COX5B: variants seen among roughly 807,000 people sequenced by gnomAD.
COX5B encodes cytochrome c oxidase subunit 5B.
A neutral mutation model predicts 16.2 loss-of-function variants in COX5B; 8 were observed. That is an observed-to-expected ratio of 0.49 (90% CI 0.29 to 0.89). The LOEUF is 0.89. Among genes scored for constraint, COX5B ranks in the 40% least tolerant of loss-of-function variants. The pLI is 0.08. For synonymous variants in COX5B, 65 were observed against 67.6 expected, an observed-to-expected ratio of 0.96 and a Z score of 0.19; for missense variants, 161 against 168.7, an observed-to-expected ratio of 0.95 and a Z score of 0.25.
At chr2:97,647,184 C>T in intron 2 of COX5B, 44 bp downstream of exon 2, 1 of 1,596,628 alleles carries the variant, frequency 6.3e-7, no homozygotes, top group Non-Finnish European at 8.6e-7. Flanking sequence ...AACTTATGGC[C>T]TTGGATGTGT....
rs539657113 is a variant in COX5B, at chr2:97,648,224, C to G, written c.*116C>G. The stretch of plus-strand genomic sequence containing the variant: ...GCTGGTCTTATTTCTTACCCGTATT[C>G]TTTGGTAGGCATGGAATATGCTTAT... On this transcript the variant is annotated 3_prime_UTR_variant, in exon 4 of 4. Coordinates refer to ENST00000258424, the MANE Select transcript of COX5B (RefSeq NM_001862.3). 15 of 873,064 alleles carry G rather than the reference C, an allele frequency of 1.7e-5. No homozygotes were observed. The highest frequency in any genetic ancestry group is 3.2e-5 in the Admixed American group (1 of 31,362). 54.1% of individuals were successfully genotyped at this position (873,064 alleles called of 1,614,324 possible). A position where few individuals can be genotyped will look rare whatever the true frequency, so the allele number is the denominator to read the frequency against.
At position 97,646,173 on chromosome 2, in the gene COX5B, C is replaced by T. The variant is rs1217365833; in HGVS notation, c.87C>T (p.Arg29=). 4.5e-6 allele frequency: 7 copies of T among 1,549,430 alleles called. No homozygotes were observed. The highest frequency in any genetic ancestry group is 6.1e-6 in the Non-Finnish European group (7 of 1,145,852). The change falls in exon 1 of 4, where the codon CGC becomes CGT. Residue 29 remains arginine (R), a synonymous_variant. Transcript: ENST00000258424. The part of the protein sequence containing the change: ...ARGPSGAAAM[R]SMASGGGVPT... ...GCCCCAGTGGCGCGGCCGCGATGCGCTCCATGGCATCTGGAGGTACTCGGG... is the reference window on the plus strand; with the variant it reads ...GCCCCAGTGGCGCGGCCGCGATGCGTTCCATGGCATCTGGAGGTACTCGGG...
chr2:97,647,907 G>A (rs1004780628), intron 3 of COX5B, 89 bp from the exon 4 acceptor site: 1 of 1,065,160 alleles, frequency 9.4e-7, no homozygotes. Context: ...TCTTACTTGT[G>A]TATCAGAGAT....
chr2:97,647,340 T>C lies in COX5B; in HGVS notation c.178-4T>C, dbSNP rs746108095. ...TTTTGTTTTGTTTTTTGTTTTTTCT[T>C]CAGGACCCATACAATGTACTGGCCC... On this transcript the variant is annotated splice_region_variant and splice_polypyrimidine_tract_variant and intron_variant, in intron 2 of 3. Transcript: ENST00000258424. The C allele has an allele frequency of 1.2e-6, 2 of 1,610,654 alleles. No individual in the cohort carries two copies. Among genetic ancestry groups the C allele is most frequent in the Non-Finnish European group, 1.7e-6 (2 of 1,178,926 alleles).
chr2:97,646,234 C>T (rs772284542), intron 1 of COX5B, 45 bp downstream of exon 1: 1 of 1,355,648 alleles, frequency 7.4e-7, no homozygotes, highest in East Asian at 2.6e-5. Context: ...TGTTGCCCTC[C>T]CAGGGTGGTC....
chr2:97,647,505 C>G, intron 3 of COX5B, 62 bp downstream of exon 3: 1 of 1,401,310 alleles, frequency 7.1e-7, no homozygotes, highest in Non-Finnish European at 1.0e-6. Context: ...AGTGTGTAAG[C>G]TGCCTCAAAT....
chr2:97,647,039 C>T, intron 1 of COX5B, 28 bp from the exon 2 acceptor site: 2 of 1,605,670 alleles, frequency 1.2e-6, no homozygotes, highest in South Asian at 1.1e-5. Context: ...TTTCAGTCAG[C>T]GTCATAATTC....
Position 97,646,092 on chromosome 2 carries a change from T to C in COX5B, c.6T>C (p.Ala2=), listed in dbSNP as rs1027651572. The C allele has an allele frequency of 1.9e-5, 30 of 1,555,522 alleles. No homozygotes were observed. The highest frequency in any genetic ancestry group is 2.5e-5 in the Non-Finnish European group (29 of 1,149,130). M[A]SRLLRGAGTL... The stretch of plus-strand genomic sequence containing the variant: ...TGCTGCTAGTCGCGGACGCAATGGC[T>C]TCAAGGTTACTTCGCGGAGCTGGAA... Residue 2 remains alanine, a synonymous_variant, in exon 1 of 4, where the codon GCT becomes GCC. Transcript: ENST00000258424.
Position 97,646,166 on chromosome 2 carries a change from C to T in COX5B, c.80C>T (p.Ala27Val). Residue 27 changes from alanine to valine, a missense_variant, in exon 1 of 4, where the codon GCG becomes GTG. Transcript: ENST00000258424. ...LRARGPSGAA[A>V]MRSMASGGGV... ...GCTCGCGGCCCCAGTGGCGCGGCCG[C>T]GATGCGCTCCATGGCATCTGGAGGT... The T allele has an allele frequency of 6.4e-7, 1 of 1,550,686 alleles. No homozygotes were observed. The highest frequency in any genetic ancestry group is 8.7e-7 in the Non-Finnish European group (1 of 1,146,652).
Position 97,647,395 on chromosome 2 carries a change from C to T in COX5B, c.229C>T (p.Pro77Ser). Reference protein sequence around the residue: ...PKGASGTREDPNLVPSISNKR... With the variant: ...PKGASGTREDSNLVPSISNKR... ...GGGAGCTTCAGGCACCAGGGAAGAC[C>T]CTAATTTAGTCCCCTCCATCTCCAA... The change falls in exon 3 of 4, where the codon CCT (proline) becomes TCT (serine). Residue 77 changes from proline to serine, a missense_variant. By Grantham distance (74) the Pro-to-Ser change is moderately conservative (BLOSUM62 -1). Coordinates refer to ENST00000258424, the MANE Select transcript of COX5B (RefSeq NM_001862.3). The T allele has an allele frequency of 1.9e-6, 3 of 1,614,108 alleles. No individual in the cohort carries two copies. Among genetic ancestry groups the T allele is most frequent in the Non-Finnish European group, 2.5e-6 (3 of 1,180,020 alleles).
intron 1 of COX5B, chr2:97,646,479 C>T (rs937829503): frequency 2.5e-6 from 1 of 405,332 alleles, no homozygotes; most frequent in East Asian, 4.3e-5. Context: ...TTCAAACCTG[C>T]GCCCACCTCA....
At chr2:97,647,245 A>G (rs894008756) in intron 2 of COX5B, 99 bp from the exon 3 acceptor site, 47 of 1,520,554 alleles carry the variant, frequency 3.1e-5, no homozygotes, top group Admixed American at 1.0e-4. Context: ...CTTGGCTTGT[A>G]GGAACAGTCC....
chr2:97,647,325 T>G lies in COX5B; in HGVS notation c.178-19T>G, dbSNP rs1034743331. The stretch of plus-strand genomic sequence containing the variant: ...TTCTTGTTTTTTTTGTTTTGTTTTG[T>G]TTTTTGTTTTTTCTTCAGGACCCAT... On this transcript the variant is annotated intron_variant, in intron 2 of 3. Coordinates refer to ENST00000258424, the MANE Select transcript of COX5B (RefSeq NM_001862.3). The G allele has an allele frequency of 1.2e-6, 2 of 1,601,972 alleles. No individual in the cohort carries two copies. The highest frequency in any genetic ancestry group is 1.7e-5 in the Admixed American group (1 of 57,656).
At chr2:97,647,266 T>C (rs1674674873) in intron 2 of COX5B, 78 bp from the exon 3 acceptor site, 9 of 1,531,696 alleles carry the variant, frequency 5.9e-6, no homozygotes, top group Non-Finnish European at 8.1e-6. Context: ...CCTGAGCTTC[T>C]GGAAGGTAGG....
intron 3 of COX5B, 30 bp downstream of exon 3, chr2:97,647,473 C>G (rs760385038): frequency 6.4e-7 from 1 of 1,551,996 alleles, no homozygotes; most frequent in Non-Finnish European, 8.9e-7. Context: ...TTTTTATCCA[C>G]TTGCTTAATA....
intron 3 of COX5B, among the ~76,000 whole-genome samples, chr2:97,647,751 C>T (rs1674684250): frequency 6.6e-6 from 1 of 152,140 alleles, no homozygotes; most frequent in South Asian, 2.1e-4. Context: ...CCCTGCTTTG[C>T]GTTCTACATA....
intron 3 of COX5B, among the ~76,000 whole-genome samples, chr2:97,647,662 C>T (rs1016736957): frequency 2.6e-5 from 4 of 152,134 alleles, no homozygotes; most frequent in African/African-American, 9.7e-5. Flanking sequence ...GAAGGAGTAC[C>T]CACCCAGCAA....
At chr2:97,647,583 C>T in intron 3 of COX5B, 140 bp downstream of exon 3, 2 of 764,364 alleles carry the variant, frequency 2.6e-6, no homozygotes, top group South Asian at 1.7e-5. Context: ...CTCATTATGC[C>T]TGATAGTTCA....
intron 2 of COX5B, 86 bp from the exon 3 acceptor site, chr2:97,647,256 CCT>C (rs1361683573): frequency 6.6e-7 from 1 of 1,519,988 alleles, no homozygotes; most frequent in Non-Finnish European, 9.1e-7. Context: ...GGAACAGTCC[CCT>C]GAGCTTCTGG....
Sources: gnomAD v4.1 joint callset for allele counts (sites outside exome capture counted in the v4.1 genomes callset) on GRCh38, gnomAD v4.1.1 for gene constraint, MANE v1.5 for transcripts, NCBI Gene and HGNC (gene_info 2026-07-23, HGNC 2026-07-21) for gene names.